CHRM2: variants seen among roughly 807,000 people sequenced by gnomAD.
CHRM2 encodes cholinergic receptor muscarinic 2.
CHRM2 carries 8 observed loss-of-function variants against 25.0 expected under a neutral mutation model. The observed-to-expected ratio is 0.32, with a 90% confidence interval of 0.19 to 0.58. The LOEUF (loss-of-function observed/expected upper bound fraction) is 0.58, where lower values mean the gene tolerates loss of function less well. Among genes scored for constraint, CHRM2 ranks in the 20% least tolerant of loss-of-function variants. The pLI is 0.88. For synonymous variants in CHRM2, 202 were observed against 205.7 expected, an observed-to-expected ratio of 0.98 and a Z score of 0.15; for missense variants, 440 against 567.1, an observed-to-expected ratio of 0.78 and a Z score of 2.28.
chr7:137,000,725 T>C (rs1483052003), intron 3 of CHRM2, among the ~76,000 whole-genome samples: 1 of 151,490 alleles, frequency 6.6e-6, no homozygotes. Flanking sequence ...GGTCTGTCTG[T>C]TCACCTTTTT....
intron 2 of CHRM2, among the ~76,000 whole-genome samples, chr7:136,935,082 G>A (rs1799334028): frequency 6.6e-6 from 1 of 152,046 alleles, no homozygotes; most frequent in Non-Finnish European, 1.5e-5. Flanking sequence ...TAGATTCAGT[G>A]CAATTCTGAT....
intron 2 of CHRM2, among the ~76,000 whole-genome samples, chr7:136,969,858 C>G (rs1801649651): frequency 1.3e-5 from 2 of 152,138 alleles, no homozygotes; most frequent in Non-Finnish European, 2.9e-5. Context: ...ACTGCCATAA[C>G]AAAATACTAT....
chr7:136,982,203 C>A (rs968295397), intron 2 of CHRM2, among the ~76,000 whole-genome samples: 3 of 152,114 alleles, frequency 2.0e-5, no homozygotes, highest in African/African-American at 7.2e-5. Context: ...ATGTAATATA[C>A]TTCTTCGTCT....
Position 136,924,647 on chromosome 7 carries a change from G to A in CHRM2, c.-125+55229G>A, listed in dbSNP as rs1034883323. 9.9e-5 allele frequency among the ~76,000 whole-genome samples: 15 copies of A among 152,220 alleles called. No individual in the cohort carries two copies. In the East Asian group the frequency reaches 2.7e-3, roughly 28 times the overall value. The stretch of plus-strand genomic sequence containing the variant: ...TAAAATCACAGATTTGTCAGTGGAA[G>A]TGATTCAAACAGCTACACAGGCAGA... On this transcript the variant is annotated intron_variant, in intron 2 of 3. Transcript: ENST00000680005.
chr7:137,002,082 A>T (rs324637), intron 3 of CHRM2, among the ~76,000 whole-genome samples: 69,919 of 151,978 alleles, frequency 0.46, 16,878 homozygotes, highest in Middle Eastern at 0.54. Flanking sequence ...ATATGAGAAA[A>T]GCCGGTCAAG....
chr7:136,980,071 C>G (rs1405889683), intron 2 of CHRM2, among the ~76,000 whole-genome samples: 1 of 152,152 alleles, frequency 6.6e-6, no homozygotes, highest in Non-Finnish European at 1.5e-5. Flanking sequence ...TTCTTCCTAT[C>G]CATGAGCATG....
intron 2 of CHRM2, among the ~76,000 whole-genome samples, chr7:136,941,375 A>C (rs1175594675): frequency 6.6e-6 from 1 of 152,214 alleles, no homozygotes; most frequent in Non-Finnish European, 1.5e-5. Flanking sequence ...GAGAAAATAA[A>C]TTTCCAAAAT....
At position 137,013,436 on chromosome 7, in the gene CHRM2, T is replaced by C. The variant is rs1285481499; in HGVS notation, c.-46-1384T>C. On this transcript the variant is annotated intron_variant, in intron 3 of 3. Transcript: ENST00000680005. ...GGGCAAACCACTGCCCATTTCTTTG[T>C]AATTAATAGCATCCAAACTAATCAA... Among the ~76,000 whole-genome samples the C allele has an allele frequency of 9.9e-5, 15 of 152,004 alleles. 1 individual carries two copies. Among genetic ancestry groups the C allele is most frequent in the Admixed American group, 7.2e-4 (11 of 15,228 alleles).
intron 2 of CHRM2, among the ~76,000 whole-genome samples, chr7:136,953,513 A>T (rs1309484065): frequency 1.3e-5 from 2 of 152,110 alleles, no homozygotes; most frequent in African/African-American, 4.8e-5. Flanking sequence ...AGTTAGTAAA[A>T]TTTCACAGCC....
rs1803940301 is a variant in CHRM2 at position 137,000,544 on chromosome 7, GAAA to G, written c.-47+8281_-47+8283del. On this transcript the variant is annotated intron_variant, in intron 3 of 3. Transcript: ENST00000680005. ...AAAAAAAAGAAAGAAAGAAAAGAAA[GAAA>G]GAAGGAAGGAAGGAAGGAAGGAAGG... Among the ~76,000 whole-genome samples the G allele has an allele frequency of 2.3e-5, 3 of 132,638 alleles. No homozygotes were observed. In the South Asian group the frequency reaches 7.8e-4, roughly 35 times the overall value. 87.0% of individuals were successfully genotyped at this position (132,638 alleles called of 152,430 possible). A position where few individuals can be genotyped will look rare whatever the true frequency, so the allele number is the denominator to read the frequency against.
chr7:136,921,796 T>A lies in CHRM2; in HGVS notation c.-125+52378T>A, dbSNP rs570597930. Among the ~76,000 whole-genome samples, 1,276 of 147,986 alleles carry A rather than the reference T, an allele frequency of 8.6e-3. 32 individuals carry two copies. Among genetic ancestry groups the A allele is most frequent in the African/African-American group, 0.029 (1,177 of 41,056 alleles). On this transcript the variant is annotated intron_variant, in intron 2 of 3. Coordinates refer to ENST00000680005, the MANE Select transcript of CHRM2 (RefSeq NM_001006630.2). ...TTTCTTTCTTTCTTTCTTTCTTTCT[T>A]TTTTTTGAGACAGATTCTCACTCTC...
In CHRM2 at chr7:137,018,296, TA is replaced by T. The variant is rs1652168240; in HGVS notation, c.*2033del. 6.6e-6 allele frequency: 1 copy of T among 151,958 alleles called. No individual in the cohort carries two copies. The highest frequency in any genetic ancestry group is 2.4e-5 in the African/African-American group (1 of 41,438). 9.4% of individuals were successfully genotyped at this position (151,958 alleles called of 1,614,324 possible). A position where few individuals can be genotyped will look rare whatever the true frequency, so the allele number is the denominator to read the frequency against. On this transcript the variant is annotated 3_prime_UTR_variant, in exon 4 of 4. Transcript: ENST00000680005. ...TCCTTCGTAAAAACAATTTCCTGTTTAAATAACTTCAGTCATTACCCCCCCA... is the reference window on the plus strand; with the variant it reads ...TCCTTCGTAAAAACAATTTCCTGTTTAATAACTTCAGTCATTACCCCCCCA...
chr7:137,000,547 A>AGAAGGAAGGAAGGAAAGAAGGAAGGAAG lies in CHRM2; in HGVS notation c.-47+8298_-47+8299insAGAAGGAAGGAAGGAAGGAAGGAAGGAA, dbSNP rs1554434050. 3.3e-3 allele frequency among the ~76,000 whole-genome samples: 312 copies of AGAAGGAAGGAAGGAAAGAAGGAAGGAAG among 95,174 alleles called. 2 individuals carry two copies. Among genetic ancestry groups the AGAAGGAAGGAAGGAAAGAAGGAAGGAAG allele is most frequent in the African/African-American group, 0.011 (296 of 27,624 alleles). The allele number at this position is 95,174 out of a possible 152,430, so 62.4% of individuals were successfully genotyped here. A position where few individuals can be genotyped will look rare whatever the true frequency, so the allele number is the denominator to read the frequency against. On this transcript the variant is annotated intron_variant, in intron 3 of 3. Coordinates refer to ENST00000680005, the MANE Select transcript of CHRM2 (RefSeq NM_001006630.2). ...AAAAAGAAAGAAAGAAAAGAAAGAA[A>AGAAGGAAGGAAGGAAAGAAGGAAGGAAG]GAAGGAAGGAAGGAAGGAAGGAAGG...
At chr7:137,013,489 T>C (rs1157986570) in intron 3 of CHRM2, among the ~76,000 whole-genome samples, 1 of 152,016 alleles carries the variant, frequency 6.6e-6, no homozygotes, top group Admixed American at 6.6e-5. Flanking sequence ...TTCTCAGCAA[T>C]GCTTATTTTC....
chr7:136,918,241 T>A (rs1268160910), intron 2 of CHRM2, among the ~76,000 whole-genome samples: 1 of 152,100 alleles, frequency 6.6e-6, no homozygotes, highest in Non-Finnish European at 1.5e-5. Context: ...TCCTTATATC[T>A]CATTATTTAA....
chr7:136,944,430 T>A (rs965442621), intron 2 of CHRM2, among the ~76,000 whole-genome samples: 1 of 152,118 alleles, frequency 6.6e-6, no homozygotes, highest in Non-Finnish European at 1.5e-5. Context: ...TGTTATTTTG[T>A]TCCTTTTGAT....
chr7:136,947,048 C>T (rs997042269), intron 2 of CHRM2, among the ~76,000 whole-genome samples: 1 of 152,140 alleles, frequency 6.6e-6, no homozygotes, highest in African/African-American at 2.4e-5. Context: ...ATAAAATCCT[C>T]CATTTTATGT....
chr7:136,899,108 T>C, intron 2 of CHRM2: 1 of 152,134 alleles, frequency 6.6e-6, no homozygotes, highest in East Asian at 1.9e-4. Context: ...ATATTGATTA[T>C]GTTCCCAGTA....
intron 2 of CHRM2, among the ~76,000 whole-genome samples, chr7:136,989,000 C>T (rs2131008978): frequency 6.6e-6 from 1 of 151,932 alleles, no homozygotes; most frequent in South Asian, 2.1e-4. Context: ...CCCACCAAAC[C>T]TATGAGGTTG....
Sources: gnomAD v4.1 joint callset for allele counts (sites outside exome capture counted in the v4.1 genomes callset) on GRCh38, gnomAD v4.1.1 for gene constraint, MANE v1.5 for transcripts, NCBI Gene and HGNC (gene_info 2026-07-23, HGNC 2026-07-21) for gene names.